Variants in CDH13 observed in about 807,000 individuals in gnomAD.
CDH13 encodes the protein cadherin-13.
In CDH13, 24 loss-of-function variants were observed where a neutral mutation model predicts 63.8. The ratio of observed to expected loss-of-function variants is 0.38; its 90% CI spans 0.27 to 0.53. The LOEUF (loss-of-function observed/expected upper bound fraction) is 0.53. Ranked by LOEUF, CDH13 falls within the 20% of genes least tolerant of loss-of-function variation. The probability of loss-of-function intolerance (pLI) is 0.85; values close to 1 mark genes in which losing one functional copy is unlikely to be tolerated. For missense variants in CDH13, 1,049 were observed against 903.1 expected (o/e 1.16, Z -2.07); for synonymous variants, 503 against 355.3 (o/e 1.42, Z -4.67).
At chr16:83,265,850 C>G (rs1907555899) in intron 5 of CDH13, among the ~76,000 whole-genome samples, 4 of 143,964 alleles carry the variant, frequency 2.8e-5, no homozygotes, top group Admixed American at 7.4e-5. Flanking sequence ...AGGAGTTTTG[C>G]ATGGACGTGC....
At chr16:83,702,487 C>G (rs554035870) in intron 10 of CDH13, among the ~76,000 whole-genome samples, 1 of 152,240 alleles carries the variant, frequency 6.6e-6, no homozygotes, top group East Asian at 1.9e-4. Context: ...CAAGGAGGGT[C>G]TTGCAGGGGG....
chr16:83,199,914 T>C (rs141384232), intron 4 of CDH13, among the ~76,000 whole-genome samples: 2 of 152,236 alleles, frequency 1.3e-5, no homozygotes, highest in African/African-American at 4.8e-5. Flanking sequence ...AGAAATCATT[T>C]TCTAAACCAC....
chr16:82,989,551 T>G (rs369291174), intron 2 of CDH13, among the ~76,000 whole-genome samples: 2 of 152,192 alleles, frequency 1.3e-5, no homozygotes, highest in Non-Finnish European at 2.9e-5. Context: ...ATTTTCTTGT[T>G]TGTTTCTCTC....
At chr16:83,282,941 G>T in intron 5 of CDH13, among the ~76,000 whole-genome samples, 1 of 152,280 alleles carries the variant, frequency 6.6e-6, no homozygotes, top group South Asian at 2.1e-4. Context: ...GAGATAATTT[G>T]TATAATGCTC....
chr16:83,757,369 G>T (rs1305947829), intron 11 of CDH13, among the ~76,000 whole-genome samples: 1 of 152,170 alleles, frequency 6.6e-6, no homozygotes. Context: ...CCTGAGGTCA[G>T]GAGATCGAGA....
At chr16:82,715,258 C>G (rs2032279370) in intron 1 of CDH13, among the ~76,000 whole-genome samples, 1 of 151,972 alleles carries the variant, frequency 6.6e-6, no homozygotes, top group South Asian at 2.1e-4. Context: ...CAGTCTAATT[C>G]TATGACTTGC....
chr16:82,755,070 A>G (rs993363944), intron 1 of CDH13, among the ~76,000 whole-genome samples: 1 of 152,188 alleles, frequency 6.6e-6, no homozygotes, highest in Non-Finnish European at 1.5e-5. Context: ...ATACATCCCT[A>G]TGCATACACA....
At position 83,406,754 on chromosome 16, in the gene CDH13, C is replaced by T. The variant is rs537354243; in HGVS notation, c.781+61748C>T. Among the ~76,000 whole-genome samples the T allele has an allele frequency of 2.0e-5, 3 of 152,170 alleles. No homozygotes were observed. The East Asian group carries it at 5.8e-4, about 29-fold the overall frequency. On this transcript the variant is annotated intron_variant, in intron 6 of 13. Coordinates refer to ENST00000567109, the MANE Select transcript of CDH13 (RefSeq NM_001257.5). Reference sequence around the variant, plus strand: ...GTGCTGGGATTACAGGTGTGAGCTACCACACCCAGCCAGCTCTGCCTCTTT... The same window carrying T: ...GTGCTGGGATTACAGGTGTGAGCTATCACACCCAGCCAGCTCTGCCTCTTT...
chr16:83,456,532 C>G (rs1422046656), intron 6 of CDH13, among the ~76,000 whole-genome samples: 3 of 152,148 alleles, frequency 2.0e-5, no homozygotes, highest in African/African-American at 7.2e-5. Flanking sequence ...TCAGAGGCAA[C>G]TGCAAGGAAG....
intron 2 of CDH13, among the ~76,000 whole-genome samples, chr16:82,967,534 C>T (rs1366862549): frequency 6.6e-6 from 1 of 152,180 alleles, no homozygotes; most frequent in African/African-American, 2.4e-5. Flanking sequence ...ATTAAGTGCC[C>T]ATTTCCCCTT....
chr16:82,866,385 T>TTTTTTTTTTTTTTTTTTTTTTTTTTTG (rs2040143779), intron 2 of CDH13, among the ~76,000 whole-genome samples: 1 of 104,726 alleles, frequency 9.5e-6, no homozygotes, highest in Non-Finnish European at 2.0e-5. Flanking sequence ...TTCTTTTTTT[T>TTTTTTTTTTTTTTTTTTTTTTTTTTTG]TTTTTTTTTT....
At chr16:82,849,712 A>C (rs993992952) in intron 1 of CDH13, among the ~76,000 whole-genome samples, 1 of 152,206 alleles carries the variant, frequency 6.6e-6, no homozygotes, top group African/African-American at 2.4e-5. Context: ...AGGACAAGCA[A>C]ACTCTTTTGT....
chr16:83,399,425 A>G (rs78299362), intron 6 of CDH13, among the ~76,000 whole-genome samples: 2,806 of 152,254 alleles, frequency 0.018, 95 homozygotes, highest in African/African-American at 0.064. Flanking sequence ...TCCAAAGTGT[A>G]TTTGCTTACT....
intron 2 of CDH13, among the ~76,000 whole-genome samples, chr16:82,888,423 G>A (rs562419875): frequency 6.6e-6 from 1 of 152,318 alleles, no homozygotes; most frequent in Admixed American, 6.5e-5. Context: ...GTCAAATGAA[G>A]GGACTGGACT....
rs1217851462 is a variant in CDH13 at position 83,047,358 on chromosome 16, A to G, written c.366+15140A>G. ...TCGTAAACCGTGGTTAACACAGATA[A>G]TTGAGACTTGAGTGCTTTTTTATTC... is the stretch of plus-strand genomic sequence containing the variant. On this transcript the variant is annotated intron_variant, in intron 3 of 13. Transcript: ENST00000567109. The surrounding 1 kb of genome is among the most constrained non-coding windows in gnomAD (Gnocchi z 4.9). 6.6e-6 allele frequency among the ~76,000 whole-genome samples: 1 copy of G among 152,188 alleles called. No individual in the cohort carries two copies. The highest frequency in any genetic ancestry group is 1.9e-4 in the East Asian group (1 of 5,200).
chr16:82,847,846 G>C (rs547062451), intron 1 of CDH13, among the ~76,000 whole-genome samples: 1 of 151,574 alleles, frequency 6.6e-6, no homozygotes, highest in East Asian at 1.9e-4. Context: ...GGTTAGTTTT[G>C]GCTTTTTGCC....
At position 83,125,504 on chromosome 16, in the gene CDH13, A is replaced by G. The variant is rs1307688959; in HGVS notation, c.483+3A>G. On this transcript the variant is annotated splice_donor_region_variant and intron_variant, in intron 4 of 13. Transcript: ENST00000567109. ...CTTTCCCAAGAGATGTTGGCAAGGT[A>G]AGTCAGACAAACAGCAAATGACAAA... 2 of 1,474,858 alleles carry G rather than the reference A, an allele frequency of 1.4e-6. No individual in the cohort carries two copies. Among genetic ancestry groups the G allele is most frequent in the South Asian group, 2.3e-5 (2 of 87,884 alleles). The allele number at this position is 1,474,858 out of a possible 1,614,324, so 91.4% of individuals were successfully genotyped here.
At chr16:82,887,178 A>C (rs1447233413) in intron 2 of CDH13, among the ~76,000 whole-genome samples, 1 of 152,142 alleles carries the variant, frequency 6.6e-6, no homozygotes, top group Admixed American at 6.5e-5. Context: ...TCTAGGACAG[A>C]GGTCGGAAAA....
chr16:83,011,023 C>G (rs994208596), intron 2 of CDH13, among the ~76,000 whole-genome samples: 1 of 152,200 alleles, frequency 6.6e-6, no homozygotes, highest in African/African-American at 2.4e-5. Context: ...AAATGGCTTA[C>G]TCACTGGCCA....
Sources: allele counts gnomAD v4.1 joint callset (sites outside exome capture counted in the v4.1 genomes callset), GRCh38; gene constraint gnomAD v4.1.1; non-coding constraint Gnocchi (gnomAD v3.1); transcripts MANE v1.5; gene names NCBI Gene and HGNC (gene_info 2026-07-23, HGNC 2026-07-21).